Variants in MED13L observed in about 807,000 individuals in gnomAD.
The protein encoded by MED13L is mediator of RNA polymerase II transcription subunit 13-like.
A neutral mutation model predicts 220.9 loss-of-function variants in MED13L; 7 were observed. That is an observed-to-expected ratio of 0.03 (90% confidence interval 0.02 to 0.06). The LOEUF (loss-of-function observed/expected upper bound fraction) is 0.06, where lower values mean the gene tolerates loss of function less well. Ranked by LOEUF, MED13L falls within the 10% of genes least tolerant of loss-of-function variation. The pLI is 1.00. For missense variants in MED13L, 1,965 were observed against 2,760.5 expected (o/e 0.71, Z 6.46); for synonymous variants, 1,011 against 1,015.2 (o/e 1.00, Z 0.08).
At chr12:115,978,699 G>T (rs559265546) in intron 23 of MED13L, among the ~76,000 whole-genome samples, 3 of 152,244 alleles carry the variant, frequency 2.0e-5, no homozygotes, top group East Asian at 3.9e-4. Flanking sequence ...ATTAAAGCAA[G>T]AAAAGTCCAG....
At chr12:116,167,156 A>T (rs1879340708) in intron 2 of MED13L, among the ~76,000 whole-genome samples, 1 of 152,216 alleles carries the variant, frequency 6.6e-6, no homozygotes, top group Admixed American at 6.5e-5. Context: ...GATTAAAAAG[A>T]AACCTCAGGC....
intron 4 of MED13L, among the ~76,000 whole-genome samples, chr12:116,062,163 G>GT (rs1869550814): frequency 6.6e-6 from 1 of 151,586 alleles, no homozygotes; most frequent in East Asian, 2.0e-4. Flanking sequence ...GCAGTTTTTT[G>GT]TTTTTTTGAG....
chr12:116,244,380 A>G (rs990980198), intron 1 of MED13L, among the ~76,000 whole-genome samples: 4 of 152,198 alleles, frequency 2.6e-5, no homozygotes, highest in Non-Finnish European at 5.9e-5. Context: ...ATCAAGAAAA[A>G]CATTTGTTTC....
intron 4 of MED13L, among the ~76,000 whole-genome samples, chr12:116,048,223 T>C (rs1323360763): frequency 6.6e-6 from 1 of 152,150 alleles, no homozygotes; most frequent in East Asian, 1.9e-4. Context: ...AATTAGGTAA[T>C]AGTCCCCACT....
intron 4 of MED13L, among the ~76,000 whole-genome samples, chr12:116,045,951 A>G (rs1211036070): frequency 6.6e-6 from 1 of 152,114 alleles, no homozygotes; most frequent in Non-Finnish European, 1.5e-5. Context: ...TAGGTAATCA[A>G]TAAAAATTAC....
At chr12:116,239,704 A>T (rs1870439208) in intron 1 of MED13L, among the ~76,000 whole-genome samples, 2 of 152,238 alleles carry the variant, frequency 1.3e-5, no homozygotes, top group South Asian at 4.1e-4. Context: ...CTGAATTACC[A>T]AAGAATATAT....
chr12:116,208,535 CG>C (rs1162677049), intron 2 of MED13L, among the ~76,000 whole-genome samples: 1 of 152,238 alleles, frequency 6.6e-6, no homozygotes, highest in African/African-American at 2.4e-5. Context: ...GGAAAGTTAA[CG>C]TAGATACATC....
At chr12:116,040,052 C>T (rs1388656496) in intron 4 of MED13L, among the ~76,000 whole-genome samples, 2 of 152,160 alleles carry the variant, frequency 1.3e-5, no homozygotes, top group African/African-American at 4.8e-5. Context: ...AAACAAATGC[C>T]ACAACGTTTT....
chr12:116,190,751 A>G (rs1301966659), intron 2 of MED13L, among the ~76,000 whole-genome samples: 1 of 152,188 alleles, frequency 6.6e-6, no homozygotes. Context: ...TGACCTTGTC[A>G]ATCAAAGTAT....
intron 4 of MED13L, among the ~76,000 whole-genome samples, chr12:116,044,511 A>G (rs553052560): frequency 3.8e-4 from 58 of 152,350 alleles, no homozygotes; most frequent in Admixed American, 1.9e-3. Flanking sequence ...AAGAGGCCAT[A>G]CTATAGGTGG....
chr12:116,189,129 A>G (rs1191279381), intron 2 of MED13L, among the ~76,000 whole-genome samples: 1 of 152,166 alleles, frequency 6.6e-6, no homozygotes, highest in African/African-American at 2.4e-5. Flanking sequence ...AAGAAACTCC[A>G]AACAGTTTTT....
At chr12:115,968,422 G>A (rs1876350185) in intron 28 of MED13L, among the ~76,000 whole-genome samples, 1 of 152,188 alleles carries the variant, frequency 6.6e-6, no homozygotes, top group Non-Finnish European at 1.5e-5. Context: ...TCTCCTGGCG[G>A]CTCTTGCCAT....
chr12:116,089,139 T>C (rs930178097), intron 4 of MED13L, among the ~76,000 whole-genome samples: 3 of 152,104 alleles, frequency 2.0e-5, no homozygotes, highest in Non-Finnish European at 2.9e-5. Flanking sequence ...TTATCGGAAA[T>C]AAAATATACA....
At chr12:116,193,047 G>C (rs946377842) in intron 2 of MED13L, among the ~76,000 whole-genome samples, 1 of 152,150 alleles carries the variant, frequency 6.6e-6, no homozygotes, top group Admixed American at 6.5e-5. Flanking sequence ...AAAATCGCCT[G>C]AACTGGGGAG....
Position 116,058,795 on chromosome 12 carries a change from C to A in MED13L, c.480-36194G>T, listed in dbSNP as rs561978063. ...TTATGGACTTCTATATTTAGCATTA[C>A]ATTATCATATTCTCCAACCCCACTC... is the stretch of plus-strand genomic sequence containing the variant. On this transcript the variant is annotated intron_variant, in intron 4 of 30. Coordinates refer to ENST00000281928, the MANE Select transcript of MED13L (RefSeq NM_015335.5). Among the ~76,000 whole-genome samples, 8 of 152,272 alleles carry A rather than the reference C, an allele frequency of 5.3e-5. No individual in the cohort carries two copies. The South Asian group carries it at 1.7e-3, about 32-fold the overall frequency.
intron 14 of MED13L, among the ~76,000 whole-genome samples, chr12:116,002,630 T>C (rs529346656): frequency 2.0e-5 from 3 of 152,316 alleles, no homozygotes; most frequent in South Asian, 4.1e-4. Context: ...ATTATATTTA[T>C]AAAAACAGAA....
At chr12:116,107,712 T>C (rs189820685) in intron 3 of MED13L, among the ~76,000 whole-genome samples, 61 of 152,332 alleles carry the variant, frequency 4.0e-4, no homozygotes, top group Admixed American at 1.1e-3. Context: ...AATACAAACT[T>C]TGTTAACATG....
chr12:116,005,139 A>G (rs1253594912), intron 13 of MED13L, among the ~76,000 whole-genome samples: 1 of 152,244 alleles, frequency 6.6e-6, no homozygotes, highest in Non-Finnish European at 1.5e-5. Context: ...AGGGAGGTAG[A>G]TAAGTGAATG....
At chr12:116,184,981 T>C (rs1880780479) in intron 2 of MED13L, among the ~76,000 whole-genome samples, 2 of 152,226 alleles carry the variant, frequency 1.3e-5, no homozygotes, top group Admixed American at 6.5e-5. Flanking sequence ...TCACAGGAAG[T>C]GTCTGTGTTA....
Sources: gnomAD v4.1 joint callset for allele counts (sites outside exome capture counted in the v4.1 genomes callset) on GRCh38, gnomAD v4.1.1 for gene constraint, MANE v1.5 for transcripts, NCBI Gene and HGNC (gene_info 2026-07-23, HGNC 2026-07-21) for gene names.